Variants in MTSS1 observed in about 807,000 individuals in gnomAD.
MTSS1 encodes protein MTSS 1.
In MTSS1, 18 loss-of-function variants were observed where a neutral mutation model predicts 79.0. The observed-to-expected ratio is 0.23, with a 90% CI of 0.16 to 0.34. The LOEUF (loss-of-function observed/expected upper bound fraction) is 0.34. Among genes scored for constraint, MTSS1 ranks in the 10% least tolerant of loss-of-function variants. MTSS1 has a pLI of 1.00. For missense variants in MTSS1, 815 were observed against 986.2 expected (o/e 0.83, Z 2.33); for synonymous variants, 341 against 368.6 (o/e 0.93, Z 0.86).
rs1199195815 is a variant in MTSS1, at chr8:124,582,207, A to G, written c.460+2880T>C. Reference sequence around the variant, plus strand: ...AAAACAGGCACACTCATCCACAGCCATAGCATATCCCAAGCTGCTAAAAAA... The same window carrying G: ...AAAACAGGCACACTCATCCACAGCCGTAGCATATCCCAAGCTGCTAAAAAA... On this transcript the variant is annotated intron_variant, in intron 6 of 13. Coordinates refer to ENST00000518547, the MANE Select transcript of MTSS1 (RefSeq NM_014751.6). The surrounding 1 kb of genome is among the most constrained non-coding windows in gnomAD (Gnocchi z 4.8). 1.3e-5 allele frequency among the ~76,000 whole-genome samples: 2 copies of G among 152,234 alleles called. No homozygotes were observed. The highest frequency in any genetic ancestry group is 1.3e-4 in the Admixed American group (2 of 15,282).
intron 3 of MTSS1, among the ~76,000 whole-genome samples, chr8:124,655,098 C>T (rs1414592282): frequency 2.0e-5 from 3 of 152,208 alleles, no homozygotes; most frequent in African/African-American, 7.2e-5. Context: ...GAGCAGAACA[C>T]GGATTGGAAA....
At chr8:124,685,122 G>A (rs1007873723) in intron 3 of MTSS1, among the ~76,000 whole-genome samples, 5 of 152,144 alleles carry the variant, frequency 3.3e-5, no homozygotes, top group African/African-American at 1.2e-4. Context: ...GTGACATTAA[G>A]TATATTCACA....
At chr8:124,559,507 G>A (rs11988399) in intron 10 of MTSS1, among the ~76,000 whole-genome samples, 1 of 152,074 alleles carries the variant, frequency 6.6e-6, no homozygotes, top group Non-Finnish European at 1.5e-5. Flanking sequence ...TGGCCATTGT[G>A]GGGTGGAATG....
At chr8:124,618,301 C>T (rs1008724480) in intron 3 of MTSS1, among the ~76,000 whole-genome samples, 1 of 152,200 alleles carries the variant, frequency 6.6e-6, no homozygotes, top group African/African-American at 2.4e-5. Context: ...CCACCCTCTA[C>T]ATACCAATTT....
At chr8:124,615,414 G>C (rs927532099) in intron 3 of MTSS1, among the ~76,000 whole-genome samples, 1 of 152,156 alleles carries the variant, frequency 6.6e-6, no homozygotes, top group Non-Finnish European at 1.5e-5. Context: ...CCTGACACAG[G>C]CTCCAACACT....
At chr8:124,625,587 C>A (rs950639899) in intron 3 of MTSS1, among the ~76,000 whole-genome samples, 1 of 152,150 alleles carries the variant, frequency 6.6e-6, no homozygotes, top group South Asian at 2.1e-4. Flanking sequence ...CACCTGCTGG[C>A]GAGGCAACTC....
At chr8:124,556,196 G>C (rs780666652) in intron 12 of MTSS1, 36 bp downstream of exon 12, 1 of 1,613,926 alleles carries the variant, frequency 6.2e-7, no homozygotes, top group Non-Finnish European at 8.5e-7. Context: ...CCAGGCTGAG[G>C]TGGCCCCAAC....
intron 1 of MTSS1, among the ~76,000 whole-genome samples, chr8:124,707,808 C>A (rs112098441): frequency 6.6e-6 from 1 of 151,970 alleles, no homozygotes; most frequent in Non-Finnish European, 1.5e-5. Flanking sequence ...CCCGGGAGAT[C>A]GAAGCTGCAG....
At chr8:124,555,633 C>G (rs1823492563) in intron 13 of MTSS1, 109 bp downstream of exon 13, 2 of 1,282,416 alleles carry the variant, frequency 1.6e-6, no homozygotes, top group Admixed American at 2.9e-5. Context: ...ATCCTGACAC[C>G]TGTTAGTTAG....
At chr8:124,652,362 C>T (rs1820126636) in intron 3 of MTSS1, among the ~76,000 whole-genome samples, 1 of 149,582 alleles carries the variant, frequency 6.7e-6, no homozygotes, top group African/African-American at 2.4e-5. Context: ...GACAGGGTTT[C>T]ACCATGTTGG....
rs1003683681 is a variant in MTSS1, at chr8:124,624,886, G to A, written c.209-33651C>T. 1.5e-3 allele frequency among the ~76,000 whole-genome samples: 227 copies of A among 152,124 alleles called. 1 individual carries two copies. The highest frequency in any genetic ancestry group is 5.1e-3 in the African/African-American group (213 of 41,410). ...CTCCACATTAAAATGGCAGATGTCT[G>A]GCAAATGCCTGGAAATTTCCTGACA... On this transcript the variant is annotated intron_variant, in intron 3 of 13. Transcript: ENST00000518547.
Position 124,686,337 on chromosome 8 carries a change from A to C in MTSS1, c.208+13189T>G, listed in dbSNP as rs938749828. Among the ~76,000 whole-genome samples the C allele has an allele frequency of 4.6e-5, 7 of 152,216 alleles. No homozygotes were observed. In the East Asian group the frequency reaches 1.3e-3, roughly 29 times the overall value. On this transcript the variant is annotated intron_variant, in intron 3 of 13. Coordinates refer to ENST00000518547, the MANE Select transcript of MTSS1 (RefSeq NM_014751.6). ...TTTGACTTAATCTTCTGAAAACAAA[A>C]AAAAAAACTTGCATATTTTCACTCT...
At chr8:124,568,842 C>G in intron 6 of MTSS1, 1 of 1,436,708 alleles carries the variant, frequency 7.0e-7, no homozygotes. Flanking sequence ...CCAACACAAC[C>G]CTGGAACACA....
intron 3 of MTSS1, among the ~76,000 whole-genome samples, chr8:124,605,456 T>C (rs749303609): frequency 6.6e-6 from 1 of 152,174 alleles, no homozygotes; most frequent in Non-Finnish European, 1.5e-5. Flanking sequence ...AGGGAGTTAG[T>C]GTTCTAGGGA....
At chr8:124,725,298 A>T (rs997095437) in intron 1 of MTSS1, among the ~76,000 whole-genome samples, 1 of 152,170 alleles carries the variant, frequency 6.6e-6, no homozygotes, top group African/African-American at 2.4e-5. Flanking sequence ...TTGCTTTTCC[A>T]TGTCTTGAGG....
At chr8:124,707,692 A>G (rs1199022910) in intron 1 of MTSS1, among the ~76,000 whole-genome samples, 3 of 151,240 alleles carry the variant, frequency 2.0e-5, no homozygotes, top group Non-Finnish European at 4.4e-5. Flanking sequence ...TAGGCGAAAG[A>G]GCGAGACTCC....
chr8:124,579,996 A>G (rs1160961406), intron 6 of MTSS1: 1 of 152,578 alleles, frequency 6.6e-6, no homozygotes, highest in Non-Finnish European at 1.5e-5. Flanking sequence ...TACTTCTGAA[A>G]TGAAACATTT....
At chr8:124,668,342 G>A (rs1047665488) in intron 3 of MTSS1, among the ~76,000 whole-genome samples, 5 of 152,300 alleles carry the variant, frequency 3.3e-5, no homozygotes, top group African/African-American at 1.2e-4. Flanking sequence ...TGGACAGGAG[G>A]TGTCACCAGA....
rs372173973 is a variant in MTSS1 at position 124,662,397 on chromosome 8, T to TA, written c.208+37128dup. Reference sequence around the variant, plus strand: ...TAGATGTTCAATAAATACTTCTGAATAAAAAAAATACTGTATGCCATACAC... The same window carrying TA: ...TAGATGTTCAATAAATACTTCTGAATAAAAAAAAATACTGTATGCCATACAC... On this transcript the variant is annotated intron_variant, in intron 3 of 13. Transcript: ENST00000518547. 8.7e-4 allele frequency among the ~76,000 whole-genome samples: 132 copies of TA among 151,996 alleles called. 2 individuals are homozygous for TA. The highest frequency in any genetic ancestry group is 3.4e-3 in the Middle Eastern group (1 of 294).
Sources: gnomAD v4.1 joint callset for allele counts (sites outside exome capture counted in the v4.1 genomes callset) on GRCh38, gnomAD v4.1.1 for gene constraint, Gnocchi (gnomAD v3.1) non-coding constraint, MANE v1.5 for transcripts, NCBI Gene and HGNC (gene_info 2026-07-23, HGNC 2026-07-21) for gene names.